PHACTR1: variants seen among roughly 807,000 people sequenced by gnomAD.
PHACTR1 encodes the protein RPEL repeat containing 1.
PHACTR1 carries 16 observed loss-of-function variants against 69.2 expected under a neutral mutation model. That is an observed-to-expected ratio of 0.23 (90% CI 0.16 to 0.35). The LOEUF (loss-of-function observed/expected upper bound fraction) is 0.35, where lower values mean the gene tolerates loss of function less well. Ranked by LOEUF, PHACTR1 falls within the 10% of genes least tolerant of loss-of-function variation. The pLI, the probability that PHACTR1 is intolerant of heterozygous loss-of-function variation, is 1.00. For missense variants in PHACTR1, 510 were observed against 734.7 expected (o/e 0.69, Z 3.54); for synonymous variants, 312 against 284.5 (o/e 1.10, Z -0.97).
intron 7 of PHACTR1, among the ~76,000 whole-genome samples, chr6:13,199,027 C>T (rs1304233936): frequency 6.6e-6 from 1 of 152,126 alleles, no homozygotes; most frequent in East Asian, 1.9e-4. Flanking sequence ...AATCTGAACT[C>T]TGAAGGTGAG....
intron 4 of PHACTR1, among the ~76,000 whole-genome samples, chr6:12,869,811 C>G (rs961394841): frequency 2.0e-5 from 3 of 152,162 alleles, no homozygotes; most frequent in African/African-American, 7.2e-5. Flanking sequence ...TTTTGTAGTT[C>G]TATACATTTG....
At chr6:13,268,257 ACT>A (rs1584324227) in intron 10 of PHACTR1, among the ~76,000 whole-genome samples, 1 of 152,176 alleles carries the variant, frequency 6.6e-6, no homozygotes, top group East Asian at 1.9e-4. Context: ...ACAGGGCAAG[ACT>A]CTGTCTCAAA....
chr6:12,927,324 G>A (rs905670996), intron 4 of PHACTR1, among the ~76,000 whole-genome samples: 2 of 152,148 alleles, frequency 1.3e-5, no homozygotes, highest in African/African-American at 4.8e-5. Flanking sequence ...TTGGGGCTAG[G>A]TCTTCTTTGT....
chr6:13,205,680 G>T (rs2113871644), intron 7 of PHACTR1, 135 bp from the exon 8 acceptor site: 1 of 767,442 alleles, frequency 1.3e-6, no homozygotes. Context: ...CATCACGCTG[G>T]TGCCTCCAAC....
intron 4 of PHACTR1, among the ~76,000 whole-genome samples, chr6:13,018,219 G>C (rs1360783624): frequency 6.6e-6 from 1 of 152,172 alleles, no homozygotes; most frequent in Non-Finnish European, 1.5e-5. Context: ...TTGCAGGTGA[G>C]AAAATGAAGA....
At chr6:13,187,050 A>T (rs1215229091) in intron 7 of PHACTR1, among the ~76,000 whole-genome samples, 1 of 152,160 alleles carries the variant, frequency 6.6e-6, no homozygotes, top group Non-Finnish European at 1.5e-5. Flanking sequence ...GTTCGCGCTC[A>T]TCTAATGCTG....
chr6:13,263,175 T>C (rs1315070987), intron 10 of PHACTR1, among the ~76,000 whole-genome samples: 1 of 151,994 alleles, frequency 6.6e-6, no homozygotes, highest in Non-Finnish European at 1.5e-5. Context: ...TGCCACTACA[T>C]TCTCTACCAG....
intron 4 of PHACTR1, among the ~76,000 whole-genome samples, chr6:13,008,769 T>C (rs1799122447): frequency 6.6e-6 from 1 of 152,270 alleles, no homozygotes; most frequent in African/African-American, 2.4e-5. Context: ...GTTCTGGTTT[T>C]AACATACTGC....
At chr6:12,986,678 A>G (rs1156302119) in intron 4 of PHACTR1, among the ~76,000 whole-genome samples, 2 of 152,210 alleles carry the variant, frequency 1.3e-5, no homozygotes, top group African/African-American at 4.8e-5. Context: ...TGCATGCCAG[A>G]CCCCATGATG....
chr6:13,204,250 T>C (rs1005749027), intron 7 of PHACTR1, among the ~76,000 whole-genome samples: 29 of 152,110 alleles, frequency 1.9e-4, no homozygotes, highest in African/African-American at 6.3e-4. Flanking sequence ...ATCAGATTTG[T>C]GCTCTAGGAA....
chr6:13,061,862 G>C (rs1286652655), intron 5 of PHACTR1, among the ~76,000 whole-genome samples: 2 of 152,114 alleles, frequency 1.3e-5, no homozygotes, highest in Non-Finnish European at 2.9e-5. Flanking sequence ...AAGCAATAAA[G>C]TACTGCAGTT....
At chr6:12,763,157 A>G (rs1265469157) in intron 4 of PHACTR1, among the ~76,000 whole-genome samples, 3 of 152,140 alleles carry the variant, frequency 2.0e-5, no homozygotes, top group Non-Finnish European at 4.4e-5. Flanking sequence ...AGGTTGCAGT[A>G]AGCTAAGATC....
At chr6:13,081,040 T>C (rs2127797048) in intron 5 of PHACTR1, among the ~76,000 whole-genome samples, 1 of 152,304 alleles carries the variant, frequency 6.6e-6, no homozygotes, top group East Asian at 1.9e-4. Context: ...ATTATTTTCT[T>C]CATAAGAATA....
At chr6:12,838,795 C>T (rs1778415857) in intron 4 of PHACTR1, among the ~76,000 whole-genome samples, 1 of 152,176 alleles carries the variant, frequency 6.6e-6, no homozygotes, top group East Asian at 1.9e-4. Context: ...CCAACCCCCA[C>T]ATGAAGCAGA....
intron 3 of PHACTR1, among the ~76,000 whole-genome samples, chr6:12,740,289 T>C (rs1764870173): frequency 6.6e-6 from 1 of 152,208 alleles, no homozygotes; most frequent in Admixed American, 6.5e-5. Context: ...CTGGTCCATG[T>C]CATGGGTCTA....
chr6:12,946,805 A>ATT (rs11412388), intron 4 of PHACTR1, among the ~76,000 whole-genome samples: 1,892 of 85,208 alleles, frequency 0.022, 102 homozygotes, highest in African/African-American at 0.065. Context: ...ATGGTGCTGG[A>ATT]TTTTTTTTTT....
chr6:12,900,946 T>C (rs986026948), intron 4 of PHACTR1, among the ~76,000 whole-genome samples: 4 of 152,206 alleles, frequency 2.6e-5, no homozygotes, highest in Admixed American at 2.6e-4. Context: ...TTTTCTTTTT[T>C]TACGAAGGGC....
chr6:12,718,606 G>C (rs1391153916), intron 2 of PHACTR1, 93 bp from the exon 3 acceptor site: 1 of 403,378 alleles, frequency 2.5e-6, no homozygotes, highest in East Asian at 3.6e-5. Context: ...TATTATAATG[G>C]GATATTCTTA....
intron 4 of PHACTR1, among the ~76,000 whole-genome samples, chr6:12,916,358 A>G (rs568183820): frequency 2.4e-4 from 37 of 152,300 alleles, no homozygotes; most frequent in African/African-American, 8.7e-4. Context: ...GCTTTTCTCC[A>G]GTGGAAAACT....
Sources: gnomAD v4.1 joint callset for allele counts (sites outside exome capture counted in the v4.1 genomes callset) on GRCh38, gnomAD v4.1.1 for gene constraint, MANE v1.5 for transcripts, NCBI Gene and HGNC (gene_info 2026-07-23, HGNC 2026-07-21) for gene names.